The following GNAQ variants were observed in gnomAD, a reference collection of about 807,000 sequenced individuals.
GNAQ encodes the protein guanine nucleotide-binding protein G(q) subunit alpha.
Under a neutral mutation model 43.9 loss-of-function variants are expected in GNAQ, and 8 were observed. That is an observed-to-expected ratio of 0.18 (90% CI 0.11 to 0.33). GNAQ has a LOEUF of 0.33. Among genes scored for constraint, GNAQ ranks in the 10% least tolerant of loss-of-function variants. The pLI is 1.00. For synonymous variants in GNAQ, 155 were observed against 170.7 expected (o/e 0.91, Z 0.71); for missense variants, 158 against 450.8 (o/e 0.35, Z 5.88).
intron 1 of GNAQ, among the ~76,000 whole-genome samples, chr9:77,928,995 G>A (rs576628251): frequency 1.3e-5 from 2 of 152,238 alleles, no homozygotes; most frequent in Admixed American, 6.5e-5. Flanking sequence ...TTCATCCTGG[G>A]CAAGAGTGAG....
At chr9:77,818,676 A>G (rs1427865774) in intron 2 of GNAQ, among the ~76,000 whole-genome samples, 1 of 152,186 alleles carries the variant, frequency 6.6e-6, no homozygotes, top group Non-Finnish European at 1.5e-5. Context: ...ACAACAGACT[A>G]TCTTGTTTAT....
chr9:77,817,714 G>A (rs114952589), intron 2 of GNAQ, among the ~76,000 whole-genome samples: 1,843 of 152,272 alleles, frequency 0.012, 37 homozygotes, highest in African/African-American at 0.041. Flanking sequence ...GTACCACTGA[G>A]CAAAACAAGA....
intron 5 of GNAQ, among the ~76,000 whole-genome samples, chr9:77,773,455 G>A (rs1826258120): frequency 1.3e-5 from 2 of 152,206 alleles, no homozygotes; most frequent in African/African-American, 4.8e-5. Flanking sequence ...AGCGCTTTAA[G>A]AGTAATGATA....
chr9:77,732,909 C>T (rs1825518756), intron 5 of GNAQ, among the ~76,000 whole-genome samples: 1 of 152,174 alleles, frequency 6.6e-6, no homozygotes, highest in Admixed American at 6.5e-5. Flanking sequence ...GCTCCACTTC[C>T]ACAGAGAAGG....
At chr9:77,762,360 G>A (rs1422183214) in intron 5 of GNAQ, among the ~76,000 whole-genome samples, 2 of 140,092 alleles carry the variant, frequency 1.4e-5, no homozygotes, top group Non-Finnish European at 3.1e-5. Flanking sequence ...GCCTCTGCCC[G>A]GCCGCCCCTA....
intron 2 of GNAQ, among the ~76,000 whole-genome samples, chr9:77,827,279 G>A (rs540595442): frequency 2.0e-5 from 3 of 150,202 alleles, no homozygotes; most frequent in Non-Finnish European, 3.0e-5. Flanking sequence ...GCATATCCAC[G>A]CATGCTCTTC....
intron 1 of GNAQ, among the ~76,000 whole-genome samples, chr9:77,965,307 C>T (rs568181304): frequency 6.6e-6 from 1 of 152,200 alleles, no homozygotes; most frequent in East Asian, 1.9e-4. Flanking sequence ...ACTTCCCATA[C>T]AATTAAAATT....
intron 5 of GNAQ, among the ~76,000 whole-genome samples, chr9:77,759,717 T>C (rs989416181): frequency 3.7e-4 from 57 of 152,256 alleles, no homozygotes; most frequent in Middle Eastern, 3.4e-3. Flanking sequence ...TCTGTTGATA[T>C]CTGGAAGAAT....
At chr9:77,935,142 A>G (rs1829212053) in intron 1 of GNAQ, among the ~76,000 whole-genome samples, 1 of 152,176 alleles carries the variant, frequency 6.6e-6, no homozygotes, top group African/African-American at 2.4e-5. Flanking sequence ...TAAGAAAATT[A>G]TACCCAAAGA....
chr9:77,787,848 G>A (rs963925175), intron 5 of GNAQ, among the ~76,000 whole-genome samples: 10 of 152,130 alleles, frequency 6.6e-5, no homozygotes, highest in Non-Finnish European at 1.5e-4. Flanking sequence ...TGGCCAACAT[G>A]GTGAAACCCC....
intron 6 of GNAQ, among the ~76,000 whole-genome samples, chr9:77,724,342 C>T (rs1276124562): frequency 6.6e-6 from 1 of 152,098 alleles, no homozygotes; most frequent in African/African-American, 2.4e-5. Context: ...CAGGCGTGCA[C>T]CACCATGCCC....
intron 2 of GNAQ, among the ~76,000 whole-genome samples, chr9:77,849,869 T>C (rs1198551796): frequency 6.6e-6 from 1 of 152,198 alleles, no homozygotes; most frequent in Admixed American, 6.5e-5. Flanking sequence ...TCTCATCATG[T>C]TGCCCAGGTT....
rs1564090217 is a variant in GNAQ, at chr9:77,719,979, G to A, written c.*1344C>T. ...TGTCGGAATAATACTACCAACCAAT[G>A]TTCCTGGCAGACTTCATTGAACTTA... On this transcript the variant is annotated 3_prime_UTR_variant, in exon 7 of 7. Transcript: ENST00000286548. 5.2e-5 allele frequency: 12 copies of A among 232,440 alleles called. No homozygotes were observed. The highest frequency in any genetic ancestry group is 8.5e-6 in the Non-Finnish European group (1 of 117,662). 14.4% of individuals were successfully genotyped at this position (232,440 alleles called of 1,614,324 possible).
intron 1 of GNAQ, among the ~76,000 whole-genome samples, chr9:77,942,080 A>G (rs1165447273): frequency 6.6e-6 from 1 of 152,226 alleles, no homozygotes; most frequent in African/African-American, 2.4e-5. Context: ...TTAACAAATT[A>G]AAATGGTATA....
At chr9:78,001,822 T>G (rs1823647466) in intron 1 of GNAQ, among the ~76,000 whole-genome samples, 1 of 152,184 alleles carries the variant, frequency 6.6e-6, no homozygotes, top group African/African-American at 2.4e-5. Flanking sequence ...ATTCCAAGAT[T>G]GATAAGTAAT....
chr9:77,853,124 G>A (rs1827696839), intron 2 of GNAQ, among the ~76,000 whole-genome samples: 1 of 152,174 alleles, frequency 6.6e-6, no homozygotes, highest in Non-Finnish European at 1.5e-5. Flanking sequence ...ATAACGGGAA[G>A]AAAATTTTAG....
At chr9:77,793,331 T>C (rs542780397) in intron 5 of GNAQ, among the ~76,000 whole-genome samples, 75 of 152,260 alleles carry the variant, frequency 4.9e-4, no homozygotes, top group African/African-American at 1.8e-3. Context: ...AATATACTTG[T>C]AACTCAGGAA....
At chr9:77,792,835 G>A (rs1260516886) in intron 5 of GNAQ, among the ~76,000 whole-genome samples, 1 of 151,970 alleles carries the variant, frequency 6.6e-6, no homozygotes, top group East Asian at 1.9e-4. Context: ...TTACTGGATG[G>A]CAAATTAAAG....
At chr9:77,721,538 C>A in intron 6 of GNAQ, 25 bp from the exon 7 acceptor site, 1 of 1,410,396 alleles carries the variant, frequency 7.1e-7, no homozygotes. Context: ...ACAAGAGGGA[C>A]ACTTTGTTAC....
Sources: gnomAD v4.1 joint callset for allele counts (sites outside exome capture counted in the v4.1 genomes callset) on GRCh38, gnomAD v4.1.1 for gene constraint, MANE v1.5 for transcripts, NCBI Gene and HGNC (gene_info 2026-07-23, HGNC 2026-07-21) for gene names.